PALM2AKAP2: variants seen among roughly 807,000 people sequenced by gnomAD.
PALM2AKAP2 encodes PALM2 and AKAP2 fusion, also known as PALM2-AKAP2 fusion protein.
PALM2AKAP2 carries 37 observed loss-of-function variants against 71.5 expected under a neutral mutation model. That is an observed-to-expected ratio of 0.52 (90% CI 0.40 to 0.68). The LOEUF (loss-of-function observed/expected upper bound fraction) is 0.68, where lower values mean the gene tolerates loss of function less well. Ranked by LOEUF, PALM2AKAP2 falls within the 30% of genes least tolerant of loss-of-function variation. The pLI is 0.00. For synonymous variants in PALM2AKAP2, 468 were observed against 478.8 expected, an observed-to-expected ratio of 0.98 and a Z score of 0.29; for missense variants, 1,224 against 1,191.8, an observed-to-expected ratio of 1.03 and a Z score of -0.40.
chr9:109,983,152 A>G (rs1387475913), intron 6 of PALM2AKAP2, among the ~76,000 whole-genome samples: 1 of 152,232 alleles, frequency 6.6e-6, no homozygotes, highest in Non-Finnish European at 1.5e-5. Context: ...ATTCCTCTAT[A>G]AAATTTCCGG....
At chr9:110,111,086 C>CTTCT (rs1835239373) in intron 1 of PALM2AKAP2, among the ~76,000 whole-genome samples, 4 of 84,188 alleles carry the variant, frequency 4.8e-5, no homozygotes, top group Non-Finnish European at 8.4e-5. Context: ...TTTCTTTCTT[C>CTTCT]TTTTTTTTTT....
intron 7 of PALM2AKAP2, among the ~76,000 whole-genome samples, chr9:110,034,816 T>C (rs985116592): frequency 6.6e-6 from 1 of 151,302 alleles, no homozygotes; most frequent in Admixed American, 6.6e-5. Context: ...TGTTGGCCAG[T>C]CTGGTCTCAA....
intron 6 of PALM2AKAP2, among the ~76,000 whole-genome samples, chr9:109,952,720 C>T (rs948914596): frequency 6.6e-6 from 1 of 152,144 alleles, no homozygotes; most frequent in Admixed American, 6.5e-5. Flanking sequence ...GCTTTCTTTA[C>T]ATTATTCTCT....
chr9:110,002,849 T>A (rs1367575161), intron 6 of PALM2AKAP2, among the ~76,000 whole-genome samples: 1 of 152,220 alleles, frequency 6.6e-6, no homozygotes. Flanking sequence ...CTGATGGTAG[T>A]TTGTATTTCT....
chr9:109,846,767 C>T (rs1828869345), intron 1 of PALM2AKAP2, among the ~76,000 whole-genome samples: 1 of 152,216 alleles, frequency 6.6e-6, no homozygotes, highest in African/African-American at 2.4e-5. Flanking sequence ...CCCTTCCTTC[C>T]TCCAGGAATA....
At chr9:109,847,391 G>T (rs1272839230) in intron 1 of PALM2AKAP2, among the ~76,000 whole-genome samples, 1 of 152,168 alleles carries the variant, frequency 6.6e-6, no homozygotes, top group Non-Finnish European at 1.5e-5. Flanking sequence ...AGGGAGTGTG[G>T]CACTGCTTAT....
At chr9:110,168,318 GAAGA>G in intron 3 of PALM2AKAP2, 77 bp from the exon 11 acceptor site, 1 of 1,522,656 alleles carries the variant, frequency 6.6e-7, no homozygotes, top group Non-Finnish European at 8.9e-7. Context: ...AAAGAGAAAG[GAAGA>G]AAGAAACAGA....
chr9:110,090,459 G>A, intron 1 of PALM2AKAP2: 1 of 456,652 alleles, frequency 2.2e-6, no homozygotes, highest in Non-Finnish European at 4.4e-6. Context: ...GCTTGCTGCA[G>A]AGGGAACTTA....
chr9:109,689,124 A>T (rs1399976261), intron 1 of PALM2AKAP2, among the ~76,000 whole-genome samples: 1 of 151,032 alleles, frequency 6.6e-6, no homozygotes, highest in African/African-American at 2.4e-5. Flanking sequence ...TCAGTGGTTG[A>T]CTCTGGGTCT....
upstream of PALM2AKAP2, among the ~76,000 whole-genome samples, chr9:110,044,711 G>A (rs1273801639): frequency 1.3e-5 from 2 of 150,982 alleles, no homozygotes; most frequent in African/African-American, 4.9e-5. Context: ...TTTTCTGTAG[G>A]ACATATTTAG....
intron 1 of PALM2AKAP2, among the ~76,000 whole-genome samples, chr9:109,745,444 T>C (rs1587891807): frequency 6.6e-6 from 1 of 152,132 alleles, no homozygotes; most frequent in Admixed American, 6.5e-5. Flanking sequence ...GCTGCCTCAC[T>C]TCTTTTCTTC....
At chr9:109,958,560 T>G (rs1831790059) in intron 6 of PALM2AKAP2, among the ~76,000 whole-genome samples, 1 of 150,676 alleles carries the variant, frequency 6.6e-6, no homozygotes, top group Non-Finnish European at 1.5e-5. Flanking sequence ...TTTCTATAAT[T>G]TAAAAAGAAA....
chr9:109,721,951 C>A (rs916243215), intron 1 of PALM2AKAP2, among the ~76,000 whole-genome samples: 17 of 152,174 alleles, frequency 1.1e-4, no homozygotes, highest in Non-Finnish European at 1.5e-5. Context: ...TAGCAAGTAA[C>A]TTTTAATGCA....
At chr9:109,787,411 AT>A (rs1189971537) in intron 1 of PALM2AKAP2, among the ~76,000 whole-genome samples, 1 of 152,230 alleles carries the variant, frequency 6.6e-6, no homozygotes, top group African/African-American at 2.4e-5. Context: ...TAGCCACAGC[AT>A]TTTTGTCAAA....
chr9:110,083,011 C>T (rs557333432), intron 1 of PALM2AKAP2, among the ~76,000 whole-genome samples: 3 of 152,140 alleles, frequency 2.0e-5, no homozygotes, highest in East Asian at 1.9e-4. Context: ...TGTGGTGGCG[C>T]GTGCCTGTAA....
chr9:110,010,541 A>G (rs1474119161), intron 6 of PALM2AKAP2, among the ~76,000 whole-genome samples: 1 of 147,828 alleles, frequency 6.8e-6, no homozygotes, highest in African/African-American at 2.5e-5. Flanking sequence ...CTCTACATAT[A>G]TAAATTCTAT....
At chr9:109,655,050 G>A (rs1422764218) in intron 1 of PALM2AKAP2, among the ~76,000 whole-genome samples, 1 of 152,154 alleles carries the variant, frequency 6.6e-6, no homozygotes, top group African/African-American at 2.4e-5. Flanking sequence ...AGCACTTTGG[G>A]AGGCCGAGGC....
At chr9:109,837,175 ATC>A (rs1415558976) in intron 1 of PALM2AKAP2, among the ~76,000 whole-genome samples, 2 of 152,234 alleles carry the variant, frequency 1.3e-5, no homozygotes, top group African/African-American at 4.8e-5. Context: ...CTAACAGTGG[ATC>A]TCTCTGCAGA....
intron 1 of PALM2AKAP2, among the ~76,000 whole-genome samples, chr9:109,658,759 T>A (rs1827345985): frequency 6.6e-6 from 1 of 152,154 alleles, no homozygotes; most frequent in African/African-American, 2.4e-5. Flanking sequence ...CATCAGTTCG[T>A]GTGAGACTTT....
Sources: allele counts gnomAD v4.1 joint callset (sites outside exome capture counted in the v4.1 genomes callset), GRCh38; gene constraint gnomAD v4.1.1; transcripts MANE v1.5; gene names NCBI Gene and HGNC (gene_info 2026-07-23, HGNC 2026-07-21).